Variants in CBFB observed in about 807,000 individuals in gnomAD.
CBFB encodes core-binding factor subunit beta, also known as CBF-beta.
CBFB carries 9 observed loss-of-function variants against 30.4 expected under a neutral mutation model. The observed-to-expected ratio is 0.30, with a 90% CI of 0.18 to 0.52. CBFB has a LOEUF of 0.52. CBFB is among the 20% of genes least tolerant of loss of function. The pLI is 0.97. For missense variants in CBFB, 170 were observed against 244.0 expected, an observed-to-expected ratio of 0.70 and a Z score of 2.02; for synonymous variants, 94 against 84.0, an observed-to-expected ratio of 1.12 and a Z score of -0.65.
rs748232268 is a variant in CBFB, at chr16:67,029,712, C to T, written c.79-15C>T. On this transcript the variant is annotated splice_polypyrimidine_tract_variant and intron_variant, in intron 1 of 5. Coordinates refer to ENST00000412916, the MANE Select transcript of CBFB (RefSeq NM_022845.3). ...GCGGATTTGGCTCCTGATTTCGGGC[C>T]GTCTTGCCTTGCAGATTAAGTACAC... 1.6e-5 allele frequency: 25 copies of T among 1,579,936 alleles called. No individual in the cohort carries two copies. Among genetic ancestry groups the T allele is most frequent in the Middle Eastern group, 1.7e-4 (1 of 5,958 alleles).
chr16:67,045,556 T>C (rs1754089277), intron 3 of CBFB, among the ~76,000 whole-genome samples: 1 of 152,098 alleles, frequency 6.6e-6, no homozygotes, highest in South Asian at 2.1e-4. Context: ...TAGTATGTCA[T>C]AGTACCTTCC....
intron 4 of CBFB, among the ~76,000 whole-genome samples, chr16:67,070,205 A>G (rs1215882172): frequency 6.6e-6 from 1 of 152,228 alleles, no homozygotes; most frequent in Admixed American, 6.5e-5. Context: ...TTCTAGTGAA[A>G]AGCTTAGGAT....
chr16:67,042,455 T>C (rs1166373806), intron 3 of CBFB, among the ~76,000 whole-genome samples: 1 of 152,354 alleles, frequency 6.6e-6, no homozygotes, highest in Non-Finnish European at 1.5e-5. Flanking sequence ...AGCCTGAGTT[T>C]TAACAAATGT....
At chr16:67,033,470 G>GCCA (rs1966387895) in intron 2 of CBFB, among the ~76,000 whole-genome samples, 1 of 151,790 alleles carries the variant, frequency 6.6e-6, no homozygotes, top group Non-Finnish European at 1.5e-5. Context: ...ACAGGCGCCT[G>GCCA]CCACCACGCC....
rs1456806057 is a variant in CBFB, at chr16:67,076,665, C to A, written c.400-5548C>A. 2.0e-5 allele frequency among the ~76,000 whole-genome samples: 3 copies of A among 152,150 alleles called. No homozygotes were observed. The East Asian group carries it at 5.8e-4, about 29-fold the overall frequency. On this transcript the variant is annotated intron_variant, in intron 4 of 5. Coordinates refer to ENST00000412916, the MANE Select transcript of CBFB (RefSeq NM_022845.3). Reference sequence around the variant, plus strand: ...AATGCCCAAAGTCTCAAACTCCTGACCTCAGGTGATCTGCCACACTTGGTT... The same window carrying A: ...AATGCCCAAAGTCTCAAACTCCTGAACTCAGGTGATCTGCCACACTTGGTT...
intron 3 of CBFB, among the ~76,000 whole-genome samples, chr16:67,061,279 T>G (rs952676918): frequency 6.6e-6 from 1 of 152,244 alleles, no homozygotes; most frequent in African/African-American, 2.4e-5. Flanking sequence ...TTTGGAAAGA[T>G]AAACTGTTTT....
chr16:67,082,324 C>G lies in CBFB; in HGVS notation c.495+16C>G. ...GGAAATGGAGGTGAGAGTTTCACAG[C>G]TGCTGGCAGTAACTGGTTAGTACTT... On this transcript the variant is annotated intron_variant, in intron 5 of 5. Coordinates refer to ENST00000412916, the MANE Select transcript of CBFB (RefSeq NM_022845.3). The G allele has an allele frequency of 6.2e-7, 1 of 1,612,232 alleles. No individual in the cohort carries two copies. Among genetic ancestry groups the G allele is most frequent in the Non-Finnish European group, 8.5e-7 (1 of 1,178,668 alleles).
intron 4 of CBFB, among the ~76,000 whole-genome samples, chr16:67,068,589 T>C (rs1260065132): frequency 6.6e-6 from 1 of 152,002 alleles, no homozygotes; most frequent in Non-Finnish European, 1.5e-5. Flanking sequence ...CAAACAAACA[T>C]CAACAACAAG....
intron 5 of CBFB, among the ~76,000 whole-genome samples, chr16:67,092,623 C>T (rs1961919596): frequency 6.6e-6 from 1 of 150,816 alleles, no homozygotes; most frequent in South Asian, 2.1e-4. Flanking sequence ...CCCTTCCTTC[C>T]CCCTGAATTT....
intron 4 of CBFB, among the ~76,000 whole-genome samples, chr16:67,075,718 A>G (rs1961376720): frequency 6.6e-6 from 1 of 152,316 alleles, no homozygotes; most frequent in African/African-American, 2.4e-5. Flanking sequence ...GCAAATGGCC[A>G]TTAACAGTGA....
chr16:67,038,626 A>G (rs1223284649), intron 3 of CBFB, among the ~76,000 whole-genome samples: 1 of 152,172 alleles, frequency 6.6e-6, no homozygotes, highest in East Asian at 1.9e-4. Context: ...TATATAAGGA[A>G]GAATTTGAGA....
chr16:67,052,299 G>A (rs543554222), intron 3 of CBFB, among the ~76,000 whole-genome samples: 5 of 152,270 alleles, frequency 3.3e-5, no homozygotes, highest in South Asian at 2.1e-4. Context: ...GCCGAGTGCA[G>A]TTACTCATGC....
At chr16:67,053,069 T>C (rs898481445) in intron 3 of CBFB, among the ~76,000 whole-genome samples, 16 of 151,128 alleles carry the variant, frequency 1.1e-4, no homozygotes, top group African/African-American at 3.6e-4. Context: ...TCAACCCGTC[T>C]CCCCCCACAA....
rs1271795202 is a variant in CBFB, at chr16:67,099,017, A to G, written c.*239A>G. 1.0e-5 allele frequency: 4 copies of G among 401,316 alleles called. No individual in the cohort carries two copies. In the East Asian group the frequency reaches 1.5e-4, roughly 15 times the overall value. 24.9% of individuals were successfully genotyped at this position (401,316 alleles called of 1,614,324 possible). A position where few individuals can be genotyped will look rare whatever the true frequency, so the allele number is the denominator to read the frequency against. ...TAATTTGAAGTTTTTTTTCTATGCAAGCTTACCTTGTTGGCATTATTTTAG... is the reference window on the plus strand; with the variant it reads ...TAATTTGAAGTTTTTTTTCTATGCAGGCTTACCTTGTTGGCATTATTTTAG... On this transcript the variant is annotated 3_prime_UTR_variant, in exon 6 of 6. Coordinates refer to ENST00000412916, the MANE Select transcript of CBFB (RefSeq NM_022845.3).
At chr16:67,043,136 A>G (rs1001037671) in intron 3 of CBFB, among the ~76,000 whole-genome samples, 2 of 152,174 alleles carry the variant, frequency 1.3e-5, no homozygotes, top group Non-Finnish European at 2.9e-5. Context: ...GAAGCTGGTC[A>G]CTAAGTCTAG....
intron 3 of CBFB, among the ~76,000 whole-genome samples, chr16:67,047,024 T>G (rs1966638031): frequency 6.6e-6 from 1 of 151,962 alleles, no homozygotes; most frequent in East Asian, 1.9e-4. Context: ...TAAATAACAT[T>G]TGAAGGGCCG....
chr16:67,081,578 G>A (rs1961555689), intron 4 of CBFB, among the ~76,000 whole-genome samples: 1 of 152,022 alleles, frequency 6.6e-6, no homozygotes, highest in African/African-American at 2.4e-5. Context: ...AAGACGGGAG[G>A]ATCTCTTGAG....
In CBFB at chr16:67,029,832, G is replaced by GGC; in HGVS notation, c.165+27_165+28dup. On this transcript the variant is annotated intron_variant, in intron 2 of 5. Coordinates refer to ENST00000412916, the MANE Select transcript of CBFB (RefSeq NM_022845.3). The stretch of plus-strand genomic sequence containing the variant: ...GGAAATCGTAAGTCGGCTGGCCCGG[G>GGC]GCGCGCGCGGGTCACTTGTTGCGCG... The GGC allele has an allele frequency of 6.4e-7, 1 of 1,562,718 alleles. No homozygotes were observed. Among genetic ancestry groups the GGC allele is most frequent in the Non-Finnish European group, 8.7e-7 (1 of 1,153,808 alleles).
intron 4 of CBFB, among the ~76,000 whole-genome samples, chr16:67,072,457 G>GTTTTTCTTTT (rs774704859): frequency 4.6e-5 from 7 of 150,896 alleles, no homozygotes; most frequent in African/African-American, 9.7e-5. Flanking sequence ...ATATGGTCTT[G>GTTTTTCTTTT]TTTTTCTTTT....
Sources: allele counts gnomAD v4.1 joint callset (sites outside exome capture counted in the v4.1 genomes callset), GRCh38; gene constraint gnomAD v4.1.1; transcripts MANE v1.5; gene names NCBI Gene and HGNC (gene_info 2026-07-23, HGNC 2026-07-21).